The following XIRP2 variants were observed in gnomAD, a reference collection of about 807,000 sequenced individuals.
XIRP2 encodes xin actin-binding repeat-containing protein 2.
In XIRP2, 236 loss-of-function variants were observed where a neutral mutation model predicts 277.0. That is an observed-to-expected ratio of 0.85 (90% CI 0.77 to 0.95). The LOEUF is 0.95. XIRP2 is among the 40% of genes least tolerant of loss of function. XIRP2 has a pLI of 0.00. For synonymous variants in XIRP2, 1,490 were observed against 1,416.5 expected, an observed-to-expected ratio of 1.05 and a Z score of -1.17; for missense variants, 4,640 against 4,157.5, an observed-to-expected ratio of 1.12 and a Z score of -3.19.
Position 167,099,108 on chromosome 2 carries a change from C to T in XIRP2, c.409-36801C>T, listed in dbSNP as rs565965898. On this transcript the variant is annotated intron_variant, in intron 2 of 10. Transcript: ENST00000409195. ...AGTTTGCTGAAGCTGTGTCCACAGCCGCCCCTTCTCCCAGGTGCTCTGTTC... is the reference window on the plus strand; with the variant it reads ...AGTTTGCTGAAGCTGTGTCCACAGCTGCCCCTTCTCCCAGGTGCTCTGTTC... Among the ~76,000 whole-genome samples, 57 of 152,298 alleles carry T rather than the reference C, an allele frequency of 3.7e-4. No individual in the cohort carries two copies. The Middle Eastern group carries it at 0.01, about 27-fold the overall frequency.
At chr2:167,006,369 A>C (rs1226073502) in intron 2 of XIRP2, among the ~76,000 whole-genome samples, 1 of 151,786 alleles carries the variant, frequency 6.6e-6, no homozygotes, top group Non-Finnish European at 1.5e-5. Context: ...AGTCTTTGAC[A>C]AAAAGGTGGG....
chr2:166,951,128 C>T (rs145440698), intron 2 of XIRP2, among the ~76,000 whole-genome samples: 178 of 152,150 alleles, frequency 1.2e-3, no homozygotes, highest in African/African-American at 3.9e-3. Context: ...ATTATTACTG[C>T]ACAGTTTTAA....
chr2:166,934,999 C>T (rs925256785), intron 2 of XIRP2, among the ~76,000 whole-genome samples: 5 of 151,616 alleles, frequency 3.3e-5, no homozygotes, highest in Non-Finnish European at 4.4e-5. Context: ...CCAGTGCTCT[C>T]CAGCCTGGGC....
chr2:167,218,182 A>C lies in XIRP2; in HGVS notation c.740A>C (p.Glu247Ala), dbSNP rs1299586461. The change falls in exon 5 of 11, where the codon GAA (glutamate) becomes GCA (alanine). Residue 247 changes from glutamate (E) to alanine (A), a missense_variant. Glu to Ala is a moderately radical substitution (Grantham distance 107). Coordinates refer to ENST00000409195, the MANE Select transcript of XIRP2 (RefSeq NM_152381.6). ...TCATCCTAGATGATGGAAGAATCAG[A>C]AATGTGCGCAGTGCCTGGTGGTTTG... Reference protein sequence around the residue: ...SFSANMMEESEMCAVPGGLAK... With the variant: ...SFSANMMEESAMCAVPGGLAK... 1 of 1,595,448 alleles carries C rather than the reference A, an allele frequency of 6.3e-7. No homozygotes were observed. Among genetic ancestry groups the C allele is most frequent in the Non-Finnish European group, 8.5e-7 (1 of 1,172,292 alleles).
At chr2:167,153,049 T>G (rs553077801) in intron 3 of XIRP2, among the ~76,000 whole-genome samples, 1 of 152,274 alleles carries the variant, frequency 6.6e-6, no homozygotes, top group East Asian at 1.9e-4. Context: ...TTTGTTTGCC[T>G]TATTCATAAC....
chr2:167,220,963 A>C (rs1694408288), intron 5 of XIRP2, among the ~76,000 whole-genome samples: 1 of 152,320 alleles, frequency 6.6e-6, no homozygotes, highest in Non-Finnish European at 1.5e-5. Context: ...ATTTGCATGA[A>C]TCTGGAGCTG....
intron 2 of XIRP2, among the ~76,000 whole-genome samples, chr2:167,103,069 G>T (rs1160712346): frequency 6.6e-6 from 1 of 152,080 alleles, no homozygotes; most frequent in African/African-American, 2.4e-5. Context: ...AGCCTGGGAG[G>T]TTGAGACTAC....
chr2:167,039,254 C>T (rs1688594176), intron 2 of XIRP2, among the ~76,000 whole-genome samples: 1 of 152,108 alleles, frequency 6.6e-6, no homozygotes. Context: ...AAGTTTTTCT[C>T]AGTAATTCAA....
chr2:166,901,645 T>C (rs1684389662), intron 1 of XIRP2, among the ~76,000 whole-genome samples: 1 of 152,114 alleles, frequency 6.6e-6, no homozygotes, highest in Admixed American at 6.6e-5. Context: ...ACCATTCCCA[T>C]GTTAATGTGG....
chr2:167,011,698 G>C (rs1445598270), intron 2 of XIRP2, among the ~76,000 whole-genome samples: 2 of 151,000 alleles, frequency 1.3e-5, no homozygotes, highest in East Asian at 4.0e-4. Context: ...AGTCCATCTG[G>C]TCCTGGACTC....
chr2:166,959,683 A>G (rs1160569105), intron 2 of XIRP2, among the ~76,000 whole-genome samples: 1 of 151,796 alleles, frequency 6.6e-6, no homozygotes, highest in Non-Finnish European at 1.5e-5. Flanking sequence ...AGCAGGGTTT[A>G]TTTTCCTCTT....
intron 5 of XIRP2, among the ~76,000 whole-genome samples, chr2:167,236,087 G>C (rs1694891859): frequency 6.6e-6 from 1 of 151,754 alleles, no homozygotes; most frequent in South Asian, 2.1e-4. Flanking sequence ...TTAAAAATGA[G>C]ATTAGTAAAA....
At position 167,047,849 on chromosome 2, in the gene XIRP2, A is replaced by C. The variant is rs12618272; in HGVS notation, c.409-88060A>C. 2.1e-3 allele frequency among the ~76,000 whole-genome samples: 315 copies of C among 152,134 alleles called. 11 individuals carry two copies. In the East Asian group the frequency reaches 0.055, roughly 26 times the overall value. ...GAACAAAGTGAATTTGGAGGGGTGT[A>C]TATGTATAAACTTAAAAATTCATCA... is the stretch of plus-strand genomic sequence containing the variant. On this transcript the variant is annotated intron_variant, in intron 2 of 10. Transcript: ENST00000409195.
At chr2:167,009,670 C>A (rs977708669) in intron 2 of XIRP2, among the ~76,000 whole-genome samples, 1 of 152,138 alleles carries the variant, frequency 6.6e-6, no homozygotes, top group Non-Finnish European at 1.5e-5. Context: ...AACTAGTTTA[C>A]AGTCCCACCA....
chr2:167,037,038 C>G (rs969218264), intron 2 of XIRP2, among the ~76,000 whole-genome samples: 1 of 152,016 alleles, frequency 6.6e-6, no homozygotes, highest in African/African-American at 2.4e-5. Context: ...TTTTTTCTTC[C>G]CAGTCTCAGG....
intron 2 of XIRP2, among the ~76,000 whole-genome samples, chr2:167,094,089 A>G (rs765333048): frequency 1.3e-5 from 2 of 152,092 alleles, no homozygotes; most frequent in Non-Finnish European, 2.9e-5. Context: ...TTTTTTTCAT[A>G]TATGTGTTGG....
rs145519706 is a variant in XIRP2, at chr2:167,254,639, G to A, written c.*39+474G>A. 2.0e-5 allele frequency among the ~76,000 whole-genome samples: 3 copies of A among 152,006 alleles called. 1 individual carries two copies. In the East Asian group the frequency reaches 5.8e-4, roughly 30 times the overall value. ...TGGTTGTAAATAAATGGGCTTGGCTGTGTTCCAATAAAACTTCATATACCA... is the reference window on the plus strand; with the variant it reads ...TGGTTGTAAATAAATGGGCTTGGCTATGTTCCAATAAAACTTCATATACCA... On this transcript the variant is annotated intron_variant, in intron 10 of 10. Transcript: ENST00000409195.
At chr2:167,252,752 A>G (rs1158064949) in intron 9 of XIRP2, among the ~76,000 whole-genome samples, 2 of 151,966 alleles carry the variant, frequency 1.3e-5, no homozygotes, top group Non-Finnish European at 2.9e-5. Flanking sequence ...TATATAATTA[A>G]TGTGCATCAT....
chr2:166,995,940 T>C (rs1687210057), intron 2 of XIRP2, among the ~76,000 whole-genome samples: 1 of 152,142 alleles, frequency 6.6e-6, no homozygotes, highest in Non-Finnish European at 1.5e-5. Flanking sequence ...CATCCTTTAC[T>C]TTTCAAGATT....
Sources: allele counts gnomAD v4.1 joint callset (sites outside exome capture counted in the v4.1 genomes callset), GRCh38; gene constraint gnomAD v4.1.1; transcripts MANE v1.5; gene names NCBI Gene and HGNC (gene_info 2026-07-23, HGNC 2026-07-21).